The following CHRM3 variants were observed in gnomAD, a reference collection of about 807,000 sequenced individuals.
The protein encoded by CHRM3 is cholinergic receptor muscarinic 3.
CHRM3 carries 11 observed loss-of-function variants against 41.8 expected under a neutral mutation model. The ratio of observed to expected loss-of-function variants is 0.26; its 90% confidence interval spans 0.17 to 0.44. The LOEUF (loss-of-function observed/expected upper bound fraction) is 0.44, where lower values mean the gene tolerates loss of function less well. Among genes scored for constraint, CHRM3 ranks in the 20% least tolerant of loss-of-function variants. The probability of loss-of-function intolerance (pLI) is 1.00; values close to 1 mark genes in which losing one functional copy is unlikely to be tolerated. For synonymous variants in CHRM3, 297 were observed against 301.4 expected (o/e 0.99, Z 0.15); for missense variants, 571 against 745.4 (o/e 0.77, Z 2.72).
intron 5 of CHRM3, among the ~76,000 whole-genome samples, chr1:239,765,626 A>G (rs1039359473): frequency 6.6e-6 from 1 of 152,098 alleles, no homozygotes; most frequent in African/African-American, 2.4e-5. Flanking sequence ...CACACAAAAA[A>G]TGGCTTTGTA....
intron 5 of CHRM3, among the ~76,000 whole-genome samples, chr1:239,714,422 G>A (rs982802736): frequency 2.2e-4 from 34 of 152,140 alleles, no homozygotes; most frequent in African/African-American, 8.0e-4. Context: ...CTCAGGGGAC[G>A]TTTCTTCTTG....
chr1:239,725,929 C>A (rs1164340326), intron 5 of CHRM3, among the ~76,000 whole-genome samples: 1 of 152,018 alleles, frequency 6.6e-6, no homozygotes, highest in South Asian at 2.1e-4. Context: ...ATTACAAAAA[C>A]ACCAGTGTAA....
chr1:239,773,550 A>C (rs1667854832), intron 5 of CHRM3, among the ~76,000 whole-genome samples: 1 of 152,166 alleles, frequency 6.6e-6, no homozygotes, highest in African/African-American at 2.4e-5. Context: ...CAAGGTGTCT[A>C]CTGCACTACC....
chr1:239,812,109 A>T (rs543540), intron 5 of CHRM3, among the ~76,000 whole-genome samples: 2 of 152,018 alleles, frequency 1.3e-5, no homozygotes, highest in Admixed American at 6.6e-5. Context: ...GCACTATCTC[A>T]GCTCATTACA....
At chr1:239,651,906 A>G (rs901707250) in intron 4 of CHRM3, among the ~76,000 whole-genome samples, 1 of 152,000 alleles carries the variant, frequency 6.6e-6, no homozygotes, top group Non-Finnish European at 1.5e-5. Context: ...GAGAAAGACA[A>G]ATTCCTTCAC....
chr1:239,806,566 T>C (rs1338919985), intron 5 of CHRM3, among the ~76,000 whole-genome samples: 3 of 152,222 alleles, frequency 2.0e-5, no homozygotes, highest in Admixed American at 6.5e-5. Flanking sequence ...GTAGGCCAGA[T>C]GCATTAGGCC....
chr1:239,825,498 G>A (rs567163481), intron 5 of CHRM3, among the ~76,000 whole-genome samples: 19 of 152,156 alleles, frequency 1.2e-4, no homozygotes, highest in African/African-American at 2.6e-4. Flanking sequence ...GTAAGTTCTC[G>A]TGGTGTATGT....
At chr1:239,882,826 C>T (rs758888325) in intron 6 of CHRM3, among the ~76,000 whole-genome samples, 9 of 152,204 alleles carry the variant, frequency 5.9e-5, no homozygotes, top group Non-Finnish European at 1.3e-4. Context: ...CTCTGCAGCC[C>T]CTAAGGCAGG....
At chr1:239,858,532 A>AAC (rs1361088972) in intron 6 of CHRM3, among the ~76,000 whole-genome samples, 1 of 151,624 alleles carries the variant, frequency 6.6e-6, no homozygotes, top group Non-Finnish European at 1.5e-5. Flanking sequence ...AAAAAAAAAA[A>AAC]AAAAGAGAAT....
chr1:239,598,669 T>A (rs1665101358), intron 3 of CHRM3, among the ~76,000 whole-genome samples: 1 of 152,152 alleles, frequency 6.6e-6, no homozygotes, highest in South Asian at 2.1e-4. Context: ...AGGTTTCAGG[T>A]TTCTTTAAAC....
chr1:239,835,527 C>T (rs908161538), intron 6 of CHRM3, among the ~76,000 whole-genome samples: 5 of 151,954 alleles, frequency 3.3e-5, no homozygotes, highest in African/African-American at 1.2e-4. Flanking sequence ...TGACTTTCTT[C>T]TATGTGCAAA....
At chr1:239,598,517 T>C (rs185020136) in intron 3 of CHRM3, among the ~76,000 whole-genome samples, 12 of 152,294 alleles carry the variant, frequency 7.9e-5, no homozygotes, top group Admixed American at 1.3e-4. Context: ...CTGAACTTGC[T>C]TTATCCAAGC....
intron 3 of CHRM3, among the ~76,000 whole-genome samples, chr1:239,623,401 T>C (rs560807628): frequency 2.0e-5 from 3 of 151,724 alleles, no homozygotes; most frequent in African/African-American, 7.3e-5. Context: ...CTGAGAATGA[T>C]GGTTTCCAGC....
intron 1 of CHRM3, among the ~76,000 whole-genome samples, chr1:239,472,697 G>A (rs554642925): frequency 6.6e-6 from 1 of 151,764 alleles, no homozygotes; most frequent in Non-Finnish European, 1.5e-5. Flanking sequence ...GACACAGGGA[G>A]GGGGACAACA....
chr1:239,400,747 T>C (rs770363720), intron 1 of CHRM3, among the ~76,000 whole-genome samples: 3 of 152,330 alleles, frequency 2.0e-5, no homozygotes, highest in Non-Finnish European at 4.4e-5. Context: ...TTGTTGAAGA[T>C]CAGTTGACCG....
chr1:239,543,364 C>T (rs1658966940), intron 2 of CHRM3, among the ~76,000 whole-genome samples: 1 of 152,100 alleles, frequency 6.6e-6, no homozygotes, highest in African/African-American at 2.4e-5. Context: ...TATTGCATTG[C>T]CCCTGAGGCT....
chr1:239,550,412 T>C (rs1484503398), intron 3 of CHRM3, among the ~76,000 whole-genome samples: 2 of 152,208 alleles, frequency 1.3e-5, no homozygotes, highest in East Asian at 3.9e-4. Flanking sequence ...GCAGTTCCTG[T>C]CTTGTTCATT....
intron 4 of CHRM3, among the ~76,000 whole-genome samples, chr1:239,659,134 A>C (rs964837933): frequency 6.6e-6 from 1 of 152,084 alleles, no homozygotes; most frequent in Non-Finnish European, 1.5e-5. Flanking sequence ...CTCAAGGTTA[A>C]CAGGTATGAG....
chr1:239,789,172 G>C (rs191309896), intron 5 of CHRM3, among the ~76,000 whole-genome samples: 3 of 152,250 alleles, frequency 2.0e-5, no homozygotes, highest in Admixed American at 6.5e-5. Context: ...GTGGTCATTG[G>C]AGGGTACTAG....
Sources: gnomAD v4.1 joint callset for allele counts (sites outside exome capture counted in the v4.1 genomes callset) on GRCh38, gnomAD v4.1.1 for gene constraint, MANE v1.5 for transcripts, NCBI Gene and HGNC (gene_info 2026-07-23, HGNC 2026-07-21) for gene names.